TRPC4AP: variants seen among roughly 807,000 people sequenced by gnomAD.
The protein encoded by TRPC4AP is short transient receptor potential channel 4-associated protein.
A neutral mutation model predicts 99.0 loss-of-function variants in TRPC4AP; 45 were observed. The observed-to-expected ratio is 0.45, with a 90% CI of 0.36 to 0.58. The LOEUF (loss-of-function observed/expected upper bound fraction) is 0.58, where lower values mean the gene tolerates loss of function less well. Among genes scored for constraint, TRPC4AP ranks in the 20% least tolerant of loss-of-function variants. The pLI is 0.00. For missense variants in TRPC4AP, 879 were observed against 985.3 expected, an observed-to-expected ratio of 0.89 and a Z score of 1.44; for synonymous variants, 408 against 385.8, an observed-to-expected ratio of 1.06 and a Z score of -0.67.
At chr20:35,056,555 G>A (rs6120816) in intron 4 of TRPC4AP, among the ~76,000 whole-genome samples, 2 of 151,760 alleles carry the variant, frequency 1.3e-5, no homozygotes, top group African/African-American at 4.8e-5. Flanking sequence ...ACAGTATGTC[G>A]TATTGGGGTA....
intron 11 of TRPC4AP, among the ~76,000 whole-genome samples, chr20:35,012,262 C>G (rs1306902741): frequency 1.3e-5 from 2 of 152,334 alleles, no homozygotes; most frequent in East Asian, 3.9e-4. Flanking sequence ...AGCTCAAATG[C>G]AAGGTTTTTA....
At chr20:35,014,314 A>AATT (rs764649117) in intron 10 of TRPC4AP, among the ~76,000 whole-genome samples, 8 of 113,184 alleles carry the variant, frequency 7.1e-5, no homozygotes, top group Admixed American at 6.1e-4. Context: ...CTCAGGCAGA[A>AATT]TTTTTTTTTT....
At chr20:35,022,596 C>A (rs1214667940) in intron 8 of TRPC4AP, among the ~76,000 whole-genome samples, 1 of 152,164 alleles carries the variant, frequency 6.6e-6, no homozygotes, top group African/African-American at 2.4e-5. Flanking sequence ...CAAGTTCCTA[C>A]AGGAACTGCT....
chr20:35,053,772 T>C (rs750103662), intron 5 of TRPC4AP, among the ~76,000 whole-genome samples: 17 of 152,358 alleles, frequency 1.1e-4, no homozygotes, highest in Middle Eastern at 3.4e-3. Flanking sequence ...ACAATATTCT[T>C]GATACACTGT....
At chr20:35,092,531 G>C in intron 1 of TRPC4AP, 83 bp downstream of exon 1, 2 of 1,379,546 alleles carry the variant, frequency 1.4e-6, no homozygotes, top group Non-Finnish European at 1.9e-6. Flanking sequence ...GTCCAGCGGC[G>C]GCCTGGAAAG....
At chr20:35,036,423 T>A (rs939708244) in intron 7 of TRPC4AP, among the ~76,000 whole-genome samples, 2 of 152,194 alleles carry the variant, frequency 1.3e-5, no homozygotes, top group Non-Finnish European at 2.9e-5. Context: ...TCCGCAGATT[T>A]TTTGGAACCA....
At chr20:35,057,303 C>A (rs1232332658) in intron 4 of TRPC4AP, among the ~76,000 whole-genome samples, 1 of 152,150 alleles carries the variant, frequency 6.6e-6, no homozygotes, top group African/African-American at 2.4e-5. Context: ...TACAAAGATG[C>A]ATTCTCTTAA....
At position 35,052,098 on chromosome 20, in the gene TRPC4AP, G is replaced by GT. The variant is rs5841189; in HGVS notation, c.529-2105dup. 8.3e-3 allele frequency among the ~76,000 whole-genome samples: 1,141 copies of GT among 137,968 alleles called. 6 individuals carry two copies. Among genetic ancestry groups the GT allele is most frequent in the African/African-American group, 0.016 (585 of 37,582 alleles). The allele number at this position is 137,968 out of a possible 152,430, so 90.5% of individuals were successfully genotyped here. A position where few individuals can be genotyped will look rare whatever the true frequency, so the allele number is the denominator to read the frequency against. On this transcript the variant is annotated intron_variant, in intron 5 of 18. Transcript: ENST00000252015. ...AACATTCATCATAGGTTTTTTTTTG[G>GT]TTTTTTTTTTTTTTTGGAGACAGGG... is the stretch of plus-strand genomic sequence containing the variant.
intron 8 of TRPC4AP, among the ~76,000 whole-genome samples, chr20:35,033,626 C>T (rs2083251549): frequency 6.6e-6 from 1 of 152,080 alleles, no homozygotes; most frequent in African/African-American, 2.4e-5. Context: ...TGGGAGAGTT[C>T]TTCTCAGCTG....
Position 35,044,644 on chromosome 20 carries a change from G to C in TRPC4AP, c.726C>G (p.Leu242=), listed in dbSNP as rs202043337. Residue 242 remains leucine (L), a synonymous_variant, in exon 7 of 19, where the codon CTC becomes CTG. Coordinates refer to ENST00000252015, the MANE Select transcript of TRPC4AP (RefSeq NM_015638.3). The part of the protein sequence containing the change: ...SLVSNFDQQQ[L]ANFCRILAVT... ...CAGCCAGAATCCGGCAGAAATTAGCGAGCTGCTGCTGATCGAAATTGGATA... is the reference window on the plus strand; with the variant it reads ...CAGCCAGAATCCGGCAGAAATTAGCCAGCTGCTGCTGATCGAAATTGGATA... 6.2e-7 allele frequency: 1 copy of C among 1,614,012 alleles called. No individual in the cohort carries two copies. Among genetic ancestry groups the C allele is most frequent in the East Asian group, 2.2e-5 (1 of 44,886 alleles).
At chr20:35,039,453 T>A (rs1009535066) in intron 7 of TRPC4AP, among the ~76,000 whole-genome samples, 1 of 152,236 alleles carries the variant, frequency 6.6e-6, no homozygotes, top group African/African-American at 2.4e-5. Flanking sequence ...CATCCCAGCA[T>A]ATCCAGTCCT....
intron 1 of TRPC4AP, 147 bp from the exon 2 acceptor site, chr20:35,078,321 A>G (rs2084539488): frequency 1.3e-6 from 1 of 776,158 alleles, no homozygotes; most frequent in Non-Finnish European, 2.0e-6. Context: ...CTTTCTATAA[A>G]TCTTCAAAAC....
At position 35,006,478 on chromosome 20, in the gene TRPC4AP, T is replaced by A. The variant is rs758360809; in HGVS notation, c.1784A>T (p.Asp595Val). 1 of 1,614,242 alleles carries A rather than the reference T, an allele frequency of 6.2e-7. No homozygotes were observed. The highest frequency in any genetic ancestry group is 1.1e-5 in the South Asian group (1 of 91,090). ...ATATTTATTGAATCTCTTGAATGCA[T>A]CAACGTTGAACTTCATCAGCTCCCC... Reference protein sequence around the residue: ...LLGELMKFNVDAFKRFNKYIN... With the variant: ...LLGELMKFNVVAFKRFNKYIN... Residue 595 changes from aspartate to valine, a missense_variant, in exon 15 of 19, where the codon GAT (aspartate) becomes GTT (valine). By Grantham distance (152) the Asp-to-Val change is radical. Transcript: ENST00000252015.
chr20:35,008,716 A>T lies in TRPC4AP; in HGVS notation c.1543T>A (p.Leu515Ile), dbSNP rs752262808. 1 of 1,613,998 alleles carries T rather than the reference A, an allele frequency of 6.2e-7. No homozygotes were observed. The highest frequency in any genetic ancestry group is 8.5e-7 in the Non-Finnish European group (1 of 1,179,984). The change falls in exon 13 of 19, where the codon TTA becomes ATA. Residue 515 changes from leucine (L) to isoleucine (I), a missense_variant. Around this residue, in one of 3 missense-constraint regions of TRPC4AP, gnomAD observed 603 missense variants for 631.8 expected, o/e 0.95. Transcript: ENST00000252015. ...SLVCDGKRGL[L>I]TRLLQVMKKE... ...TTCATGACCTGCAGCAGACGAGTTA[A>T]TAAGCCCCTCTTCCCATCACACACC...
chr20:35,003,383 T>C (rs2082438088), intron 18 of TRPC4AP, 27 bp downstream of exon 18: 2 of 1,539,678 alleles, frequency 1.3e-6, no homozygotes, highest in Non-Finnish European at 1.7e-6. Context: ...GGCCCACCCA[T>C]CACCCCCTTG....
chr20:35,089,815 C>T (rs2084995540), intron 1 of TRPC4AP, among the ~76,000 whole-genome samples: 1 of 152,036 alleles, frequency 6.6e-6, no homozygotes, highest in African/African-American at 2.4e-5. Flanking sequence ...CACTGCACTC[C>T]AGTCTGGGCA....
At chr20:35,086,914 T>C (rs1007490965) in intron 1 of TRPC4AP, among the ~76,000 whole-genome samples, 2 of 151,654 alleles carry the variant, frequency 1.3e-5, no homozygotes, top group African/African-American at 2.4e-5. Flanking sequence ...ATGCCTATAG[T>C]CCCAGCTACT....
At chr20:35,092,546 C>A in intron 1 of TRPC4AP, 68 bp downstream of exon 1, 1 of 1,412,598 alleles carries the variant, frequency 7.1e-7, no homozygotes, top group Non-Finnish European at 9.1e-7. Context: ...GGAAAGGCCT[C>A]TTCCCCGGCC....
rs1555904985 is a variant in TRPC4AP, at chr20:35,024,825, C to CCAAAA, written c.1052-3470_1052-3469insTTTTG. On this transcript the variant is annotated intron_variant, in intron 8 of 18. Transcript: ENST00000252015. ...CCTAGGTGACAGAGAGAGACCGTCTCAAAAAAAAAAAAAAAAAAAAAAAAA... is the reference window on the plus strand; with the variant it reads ...CCTAGGTGACAGAGAGAGACCGTCTCCAAAAAAAAAAAAAAAAAAAAAAAAAAAAA... Among the ~76,000 whole-genome samples, 98 of 35,834 alleles carry CCAAAA rather than the reference C, an allele frequency of 2.7e-3. 12 individuals are homozygous for CCAAAA. The highest frequency in any genetic ancestry group is 4.7e-3 in the South Asian group (4 of 854). The allele number at this position is 35,834 out of a possible 152,430, so 23.5% of individuals were successfully genotyped here.
Sources: allele counts gnomAD v4.1 joint callset (sites outside exome capture counted in the v4.1 genomes callset), GRCh38; gene constraint gnomAD v4.1.1; regional missense constraint gnomAD v4.1.1; transcripts MANE v1.5; gene names NCBI Gene and HGNC (gene_info 2026-07-23, HGNC 2026-07-21).